The following KIAA1217 variants were observed in gnomAD, a reference collection of about 807,000 sequenced individuals.
KIAA1217 encodes the protein KIAA1217.
A neutral mutation model predicts 163.9 loss-of-function variants in KIAA1217; 88 were observed. The ratio of observed to expected loss-of-function variants is 0.54; its 90% confidence interval spans 0.45 to 0.64. The LOEUF (loss-of-function observed/expected upper bound fraction) is 0.64, where lower values mean the gene tolerates loss of function less well. KIAA1217 is among the 30% of genes least tolerant of loss of function. The probability of loss-of-function intolerance (pLI) is 0.00; values close to 1 mark genes in which losing one functional copy is unlikely to be tolerated. For missense variants in KIAA1217, 2,372 were observed against 2,475.0 expected (o/e 0.96, Z 0.88); for synonymous variants, 903 against 923.1 (o/e 0.98, Z 0.39).
intron 1 of KIAA1217, among the ~76,000 whole-genome samples, chr10:23,839,734 T>C (rs1838679549): frequency 6.6e-6 from 1 of 152,168 alleles, no homozygotes; most frequent in Admixed American, 6.6e-5. Context: ...TCTCCATCTC[T>C]GATGGCTCCC....
chr10:24,192,830 A>G (rs1373875146), intron 2 of KIAA1217, among the ~76,000 whole-genome samples: 1 of 152,208 alleles, frequency 6.6e-6, no homozygotes, highest in Admixed American at 6.5e-5. Flanking sequence ...CCAAGCTGGA[A>G]TGCCTGGTAG....
At chr10:24,354,936 C>T (rs1345624914) in intron 2 of KIAA1217, among the ~76,000 whole-genome samples, 1 of 152,222 alleles carries the variant, frequency 6.6e-6, no homozygotes, top group African/African-American at 2.4e-5. Flanking sequence ...CCACCCTCTT[C>T]TACCCAGTAT....
rs139078451 is a variant in KIAA1217 at position 23,837,793 on chromosome 10, T to C, written c.-321+142559T>C. The stretch of plus-strand genomic sequence containing the variant: ...TGGGCTCAATTGATCCACCCACCTC[T>C]GTCTCCCAAAATGTTGGGATTGCAG... On this transcript the variant is annotated intron_variant, in intron 1 of 18. Transcript: ENST00000376462. 4.8e-3 allele frequency among the ~76,000 whole-genome samples: 734 copies of C among 152,232 alleles called. 10 individuals carry two copies. The highest frequency in any genetic ancestry group is 0.016 in the African/African-American group (663 of 41,540).
chr10:23,948,546 A>C (rs1844165218), intron 1 of KIAA1217, among the ~76,000 whole-genome samples: 1 of 152,100 alleles, frequency 6.6e-6, no homozygotes, highest in African/African-American at 2.4e-5. Flanking sequence ...TCCTAGTTAC[A>C]ATGTGATTTT....
chr10:23,774,617 TG>T (rs879439045), intron 1 of KIAA1217, among the ~76,000 whole-genome samples: 1 of 152,072 alleles, frequency 6.6e-6, no homozygotes, highest in Middle Eastern at 3.4e-3. Context: ...GGCCAAGGGG[TG>T]GCTGTTCACA....
At chr10:23,879,024 C>G (rs1840831880) in intron 1 of KIAA1217, among the ~76,000 whole-genome samples, 1 of 151,868 alleles carries the variant, frequency 6.6e-6, no homozygotes, top group Non-Finnish European at 1.5e-5. Flanking sequence ...ATTAGACATC[C>G]ACGTGTAGAA....
chr10:23,869,105 C>T (rs904518441), intron 1 of KIAA1217, among the ~76,000 whole-genome samples: 8 of 128,074 alleles, frequency 6.2e-5, no homozygotes, highest in East Asian at 2.2e-4. Flanking sequence ...TGCAGTGTAA[C>T]GTGCAATCAT....
At chr10:24,536,956 A>G in intron 17 of KIAA1217, 63 bp downstream of exon 17, 1 of 1,593,254 alleles carries the variant, frequency 6.3e-7, no homozygotes, top group Non-Finnish European at 8.6e-7. Context: ...CTCTGACACT[A>G]ACACGGCTCT....
chr10:24,375,456 A>G (rs1204651082), intron 2 of KIAA1217, among the ~76,000 whole-genome samples: 1 of 152,230 alleles, frequency 6.6e-6, no homozygotes, highest in East Asian at 1.9e-4. Context: ...GGAATGGTAG[A>G]GAAAACCTAA....
chr10:24,212,151 A>T (rs2068222992), intron 1 of KIAA1217, among the ~76,000 whole-genome samples: 1 of 152,190 alleles, frequency 6.6e-6, no homozygotes, highest in Non-Finnish European at 1.5e-5. Context: ...AAGACAAACA[A>T]GACAAGACAA....
intron 2 of KIAA1217, among the ~76,000 whole-genome samples, chr10:24,030,366 A>G (rs1848141506): frequency 1.3e-5 from 2 of 152,128 alleles, no homozygotes; most frequent in Non-Finnish European, 2.9e-5. Flanking sequence ...GGGAGTTCTC[A>G]TGAGATCTAA....
At chr10:23,993,949 G>T (rs369060045) in intron 1 of KIAA1217, among the ~76,000 whole-genome samples, 2 of 152,022 alleles carry the variant, frequency 1.3e-5, no homozygotes, top group African/African-American at 2.4e-5. Context: ...CTCAGCTCAG[G>T]CTCCTAAACA....
chr10:23,705,343 G>T (rs1483965020), intron 1 of KIAA1217, among the ~76,000 whole-genome samples: 1 of 151,996 alleles, frequency 6.6e-6, no homozygotes, highest in Non-Finnish European at 1.5e-5. Flanking sequence ...GATTCATTAA[G>T]ATTTATTCCT....
intron 6 of KIAA1217, among the ~76,000 whole-genome samples, chr10:24,492,061 C>T (rs1304491338): frequency 1.3e-5 from 2 of 152,196 alleles, no homozygotes; most frequent in Admixed American, 6.5e-5. Context: ...TCCAGCACCA[C>T]TGCGGATAGA....
intron 2 of KIAA1217, among the ~76,000 whole-genome samples, chr10:24,314,507 G>T (rs929322390): frequency 1.3e-5 from 2 of 152,242 alleles, no homozygotes; most frequent in East Asian, 3.9e-4. Context: ...ATGTGCTCAC[G>T]CATGTTATAA....
chr10:23,753,838 G>C (rs1052995745), intron 1 of KIAA1217, among the ~76,000 whole-genome samples: 3 of 152,180 alleles, frequency 2.0e-5, no homozygotes, highest in Non-Finnish European at 2.9e-5. Context: ...TTAGAACTTA[G>C]AGAAAATCAT....
rs377050081 is a variant in KIAA1217 at position 24,061,754 on chromosome 10, A to G, written c.-171+54380A>G. Among the ~76,000 whole-genome samples, 99 of 152,286 alleles carry G rather than the reference A, an allele frequency of 6.5e-4. 1 individual carries two copies. The highest frequency in any genetic ancestry group is 2.3e-3 in the African/African-American group (96 of 41,562). On this transcript the variant is annotated intron_variant, in intron 2 of 18. Coordinates refer to the KIAA1217 transcript ENST00000376462. ...TATTCTGCTGAAAAACCCATTGAAAATCTTCTCAAAGCTCCCTTGTATGTG... is the reference window on the plus strand; with the variant it reads ...TATTCTGCTGAAAAACCCATTGAAAGTCTTCTCAAAGCTCCCTTGTATGTG...
chr10:24,431,912 T>C (rs1046848777), intron 3 of KIAA1217, among the ~76,000 whole-genome samples: 3 of 152,172 alleles, frequency 2.0e-5, no homozygotes, highest in Admixed American at 1.3e-4. Flanking sequence ...TAGCACGATA[T>C]GAACATTCAA....
intron 2 of KIAA1217, among the ~76,000 whole-genome samples, chr10:24,066,272 G>C (rs780307646): frequency 6.6e-6 from 1 of 152,140 alleles, no homozygotes; most frequent in Non-Finnish European, 1.5e-5. Context: ...TTTTTGCAGT[G>C]GCTGGTACCA....
Sources: allele counts gnomAD v4.1 joint callset (sites outside exome capture counted in the v4.1 genomes callset), GRCh38; gene constraint gnomAD v4.1.1; transcripts MANE v1.5; gene names NCBI Gene and HGNC (gene_info 2026-07-23, HGNC 2026-07-21).